Variants in IGSF9B observed in about 807,000 individuals in gnomAD.
IGSF9B encodes the protein immunoglobulin superfamily member 9B, also known as protein turtle homolog B.
In IGSF9B, 48 loss-of-function variants were observed where a neutral mutation model predicts 143.7. The ratio of observed to expected loss-of-function variants is 0.33; its 90% CI spans 0.26 to 0.42. IGSF9B has a LOEUF of 0.42. Ranked by LOEUF, IGSF9B falls within the 20% of genes least tolerant of loss-of-function variation. The pLI is 1.00. For missense variants in IGSF9B, 1,706 were observed against 1,980.0 expected (o/e 0.86, Z 2.63); for synonymous variants, 903 against 833.1 (o/e 1.08, Z -1.44).
In IGSF9B at chr11:133,956,564, AC is replaced by A; in HGVS notation, c.64+126del. ...TGGCCCGCGTCGGAGCCCAAGCCTC[AC>A]CCGCGGGAAGGCGCGCCGGGGAGCT... On this transcript the variant is annotated intron_variant, in intron 1 of 19. Transcript: ENST00000533871. 3 of 562,818 alleles carry A rather than the reference AC, an allele frequency of 5.3e-6. No individual in the cohort carries two copies. In the South Asian group the frequency reaches 6.6e-5, roughly 12 times the overall value. 34.9% of individuals were successfully genotyped at this position (562,818 alleles called of 1,614,324 possible). A position where few individuals can be genotyped will look rare whatever the true frequency, so the allele number is the denominator to read the frequency against.
At position 133,948,058 on chromosome 11, in the gene IGSF9B, T is replaced by C. The variant is rs1237039698; in HGVS notation, c.65-1800A>G. ...GTTTCTGTCTACCAGCATGTGTGCGTGTGTGTGTGTGTGTGTGTGTGTGTG... is the reference window on the plus strand; with the variant it reads ...GTTTCTGTCTACCAGCATGTGTGCGCGTGTGTGTGTGTGTGTGTGTGTGTG... On this transcript the variant is annotated intron_variant, in intron 1 of 19. Coordinates refer to ENST00000533871, the MANE Select transcript of IGSF9B (RefSeq NM_001277285.4). The surrounding 1 kb of genome is among the most constrained non-coding windows in gnomAD (Gnocchi z 4.7). Among the ~76,000 whole-genome samples, 1 of 33,274 alleles carries C rather than the reference T, an allele frequency of 3.0e-5. No individual in the cohort carries two copies. Among genetic ancestry groups the C allele is most frequent in the Non-Finnish European group, 6.7e-5 (1 of 14,922 alleles). 21.8% of individuals were successfully genotyped at this position (33,274 alleles called of 152,430 possible).
rs752149978 is a variant in IGSF9B, at chr11:133,902,062, CCA to C, written c.*7005_*7006del. ...CACACCCACACACAATACACACATACCACACACAATAACACACCACATACAAT... is the reference window on the plus strand; with the variant it reads ...CACACCCACACACAATACACACATACCACACAATAACACACCACATACAAT... On this transcript the variant is annotated 3_prime_UTR_variant, in exon 20 of 20. Transcript: ENST00000533871. Among the ~76,000 whole-genome samples, 1 of 144,552 alleles carries C rather than the reference CCA, an allele frequency of 6.9e-6. No individual in the cohort carries two copies. Among genetic ancestry groups the C allele is most frequent in the South Asian group, 2.3e-4 (1 of 4,400 alleles). The allele number at this position is 144,552 out of a possible 152,430, so 94.8% of individuals were successfully genotyped here.
intron 12 of IGSF9B, among the ~76,000 whole-genome samples, chr11:133,927,299 G>C (rs1372370673): frequency 6.6e-6 from 1 of 152,276 alleles, no homozygotes; most frequent in Non-Finnish European, 1.5e-5. Context: ...ACCAACCACA[G>C]CTGGCATCTT....
In IGSF9B at chr11:133,931,179, G is replaced by T; in HGVS notation, c.1369-45C>A. 1.3e-6 allele frequency: 2 copies of T among 1,576,460 alleles called. No homozygotes were observed. Among genetic ancestry groups the T allele is most frequent in the South Asian group, 2.3e-5 (2 of 87,214 alleles). ...GGAAGAGGGTGGGAACAGAAATGGGGGTTAGGAGAGAAGCCCGAAGCAGAT... is the reference window on the plus strand; with the variant it reads ...GGAAGAGGGTGGGAACAGAAATGGGTGTTAGGAGAGAAGCCCGAAGCAGAT... On this transcript the variant is annotated intron_variant, in intron 10 of 19. Coordinates refer to ENST00000533871, the MANE Select transcript of IGSF9B (RefSeq NM_001277285.4). The surrounding 1 kb of genome is among the most constrained non-coding windows in gnomAD (Gnocchi z 7.7).
rs771803823 is a variant in IGSF9B at position 133,920,169 on chromosome 11, G to A, written c.3556C>T (p.Arg1186Cys). The A allele has an allele frequency of 1.1e-5, 16 of 1,510,692 alleles. No individual in the cohort carries two copies. Among genetic ancestry groups the A allele is most frequent in the Admixed American group, 2.3e-5 (1 of 43,950 alleles). 93.6% of individuals were successfully genotyped at this position (1,510,692 alleles called of 1,614,324 possible). Residue 1186 changes from arginine (R) to cysteine (C), a missense_variant, in exon 18 of 20, where the codon CGC (arginine) becomes TGC (cysteine). Transcript: ENST00000533871. ...RPRPSPRQAR[R>C]AEPSLHQVVL... is the part of the protein sequence containing the mutation. Reference sequence around the variant, plus strand: ...ACTTGATGTAAACTGGGCTCGGCGCGCCTGGCCTGCCGAGGGCTAGGCCGG... The same window carrying A: ...ACTTGATGTAAACTGGGCTCGGCGCACCTGGCCTGCCGAGGGCTAGGCCGG...
At chr11:133,932,038 C>G (rs985494642) in intron 8 of IGSF9B, 33 bp downstream of exon 8, 15 of 1,590,636 alleles carry the variant, frequency 9.4e-6, no homozygotes, top group Non-Finnish European at 1.3e-5. Context: ...GGGGAGCCCT[C>G]ACTCCAACCC....
In IGSF9B at chr11:133,956,888, G is replaced by T; in HGVS notation, c.-134C>A. The T allele has an allele frequency of 2.2e-6, 1 of 451,296 alleles. No individual in the cohort carries two copies. The highest frequency in any genetic ancestry group is 3.8e-6 in the Non-Finnish European group (1 of 266,498). 28.0% of individuals were successfully genotyped at this position (451,296 alleles called of 1,614,324 possible). A position where few individuals can be genotyped will look rare whatever the true frequency, so the allele number is the denominator to read the frequency against. On this transcript the variant is annotated 5_prime_UTR_variant, in exon 1 of 20. Transcript: ENST00000533871. ...CCCGCGCCGGTGCTCCTGCAGCCCG[G>T]GTGGCCAGCTCTCCATCCCTCCTAG...
At chr11:133,951,965 G>T (rs768745674) in intron 1 of IGSF9B, 31 of 438,146 alleles carry the variant, frequency 7.1e-5, no homozygotes, top group South Asian at 4.9e-4. Flanking sequence ...GCAAGTCACA[G>T]GCCCCCGCTC....
In IGSF9B at chr11:133,924,837, G is replaced by A. The variant is rs1409679667; in HGVS notation, c.2102C>T (p.Ala701Val). 2.5e-6 allele frequency: 4 copies of A among 1,613,764 alleles called. No homozygotes were observed. Among genetic ancestry groups the A allele is most frequent in the Non-Finnish European group, 3.4e-6 (4 of 1,179,834 alleles). ...CAAAATACCTGTGCTGGAGACGCCG[G>A]CGATGTTGCTGGGCTCGCTGATCAG... ...QDLISEPSNI[A>V]GVSSTDIFPQ... The change falls in exon 15 of 20, where the codon GCC becomes GTC. Residue 701 changes from alanine to valine, a missense_variant. Around this residue, in one of 7 missense-constraint regions of IGSF9B, gnomAD observed 267 missense variants for 321.1 expected, o/e 0.83. Transcript: ENST00000533871.
rs1042988629 is a variant in IGSF9B, at chr11:133,929,597, G to A, written c.1631+74C>T. Reference sequence around the variant, plus strand: ...CTCCTCCTACCTCCCCCCACCCGGGGTAGCCTGCAGGAAGACCGGGGAGGG... The same window carrying A: ...CTCCTCCTACCTCCCCCCACCCGGGATAGCCTGCAGGAAGACCGGGGAGGG... On this transcript the variant is annotated intron_variant, in intron 12 of 19. Coordinates refer to ENST00000533871, the MANE Select transcript of IGSF9B (RefSeq NM_001277285.4). The A allele has an allele frequency of 3.1e-5, 35 of 1,115,790 alleles. No homozygotes were observed. In the African/African-American group the frequency reaches 4.6e-4, roughly 15 times the overall value. The allele number at this position is 1,115,790 out of a possible 1,614,324, so 69.1% of individuals were successfully genotyped here.
chr11:133,956,219 G>GC (rs1940249772), intron 1 of IGSF9B, among the ~76,000 whole-genome samples: 1 of 152,116 alleles, frequency 6.6e-6, no homozygotes, highest in Non-Finnish European at 1.5e-5. Context: ...CGCGGGTGCC[G>GC]CCAGTCCCAG....
intron 18 of IGSF9B, among the ~76,000 whole-genome samples, chr11:133,917,105 G>C (rs770467482): frequency 1.1e-4 from 16 of 152,276 alleles, no homozygotes; most frequent in Admixed American, 2.6e-4. Flanking sequence ...ACATCTCTAG[G>C]GGGGGAAGGC....
In IGSF9B at chr11:133,901,946, CAT is replaced by C. The variant is rs1227316278; in HGVS notation, c.*7121_*7122del. On this transcript the variant is annotated 3_prime_UTR_variant, in exon 20 of 20. Coordinates refer to ENST00000533871, the MANE Select transcript of IGSF9B (RefSeq NM_001277285.4). ...CACCAAACCACACAACACACACACA[CAT>C]CACACACATGCACACCGCATCACAC... Among the ~76,000 whole-genome samples the C allele has an allele frequency of 1.0e-4, 12 of 119,780 alleles. No individual in the cohort carries two copies. Among genetic ancestry groups the C allele is most frequent in the South Asian group, 4.7e-4 (2 of 4,228 alleles). The allele number at this position is 119,780 out of a possible 152,430, so 78.6% of individuals were successfully genotyped here.
chr11:133,947,802 C>A (rs1940083522), intron 1 of IGSF9B, among the ~76,000 whole-genome samples: 1 of 151,626 alleles, frequency 6.6e-6, no homozygotes, highest in South Asian at 2.1e-4. Flanking sequence ...CTGTCTGTCT[C>A]TCTCTAGCTC....
chr11:133,949,230 G>A (rs763117618), intron 1 of IGSF9B, among the ~76,000 whole-genome samples: 3 of 152,152 alleles, frequency 2.0e-5, no homozygotes, highest in South Asian at 4.1e-4. Context: ...TGGTGTGGGC[G>A]CCCATGTCCT....
chr11:133,946,058 T>C lies in IGSF9B; in HGVS notation c.262+3A>G, dbSNP rs1591725088. On this transcript the variant is annotated splice_donor_region_variant and intron_variant, in intron 2 of 19. Transcript: ENST00000533871. ...TGCGGGAGACCGGGTGCCCAGACCT[T>C]ACCTGCATACTCAGGGTCCACGTGC... 1 of 1,559,370 alleles carries C rather than the reference T, an allele frequency of 6.4e-7. No individual in the cohort carries two copies.
At chr11:133,917,880 G>C (rs1939419080) in intron 18 of IGSF9B, among the ~76,000 whole-genome samples, 1 of 152,086 alleles carries the variant, frequency 6.6e-6, no homozygotes, top group Non-Finnish European at 1.5e-5. Context: ...AGGTCCCCAA[G>C]GGTGCAGAGA....
rs185946774 is a variant in IGSF9B at position 133,930,832 on chromosome 11, G to A, written c.1519+152C>T. On this transcript the variant is annotated intron_variant, in intron 11 of 19. Coordinates refer to ENST00000533871, the MANE Select transcript of IGSF9B (RefSeq NM_001277285.4). ...AGAGCCCACGGGGGCAAAGGCTGCCGGTGCTGGACGCGGAGTTCAGGGCTG... is the reference window on the plus strand; with the variant it reads ...AGAGCCCACGGGGGCAAAGGCTGCCAGTGCTGGACGCGGAGTTCAGGGCTG... Among the ~76,000 whole-genome samples, 657 of 152,206 alleles carry A rather than the reference G, an allele frequency of 4.3e-3. 2 individuals carry two copies. The highest frequency in any genetic ancestry group is 7.2e-3 in the Non-Finnish European group (493 of 68,008).
chr11:133,939,114 C>G (rs984717633), intron 3 of IGSF9B, among the ~76,000 whole-genome samples: 1 of 152,192 alleles, frequency 6.6e-6, no homozygotes, highest in Admixed American at 6.5e-5. Flanking sequence ...TCCCTCCCAG[C>G]GCACTCCAAC....
Sources: gnomAD v4.1 joint callset for allele counts (sites outside exome capture counted in the v4.1 genomes callset) on GRCh38, gnomAD v4.1.1 for gene constraint, gnomAD v4.1.1 regional missense constraint, Gnocchi (gnomAD v3.1) non-coding constraint, MANE v1.5 for transcripts, NCBI Gene and HGNC (gene_info 2026-07-23, HGNC 2026-07-21) for gene names.